Variants in ASTN2 observed in about 807,000 individuals in gnomAD.
ASTN2 encodes astrotactin-2.
Under a neutral mutation model 139.8 loss-of-function variants are expected in ASTN2, and 54 were observed. The observed-to-expected ratio is 0.39, with a 90% CI of 0.31 to 0.48. ASTN2 has a LOEUF of 0.48. ASTN2 is among the 20% of genes least tolerant of loss of function. ASTN2 has a pLI of 0.95. For synonymous variants in ASTN2, 756 were observed against 719.5 expected, an observed-to-expected ratio of 1.05 and a Z score of -0.81; for missense variants, 1,565 against 1,725.1, an observed-to-expected ratio of 0.91 and a Z score of 1.64.
chr9:117,254,600 C>T (rs1833632859), intron 2 of ASTN2, among the ~76,000 whole-genome samples: 1 of 152,150 alleles, frequency 6.6e-6, no homozygotes, highest in African/African-American at 2.4e-5. Context: ...ACTACCATAA[C>T]ATAAAGCAGT....
chr9:116,536,881 G>T (rs955848063), intron 19 of ASTN2, among the ~76,000 whole-genome samples: 1 of 152,192 alleles, frequency 6.6e-6, no homozygotes, highest in Non-Finnish European at 1.5e-5. Context: ...TCTCTTCAAA[G>T]CTGTCAGACA....
intron 16 of ASTN2, among the ~76,000 whole-genome samples, chr9:116,714,308 A>T (rs1406119715): frequency 6.6e-6 from 1 of 152,184 alleles, no homozygotes; most frequent in African/African-American, 2.4e-5. Context: ...CAGCCATGAC[A>T]TAGGAAGTCT....
Position 116,698,992 on chromosome 9 carries a change from T to C in ASTN2, c.2806+26779A>G. 1 of 1,614,170 alleles carries C rather than the reference T, an allele frequency of 6.2e-7. No homozygotes were observed. Among genetic ancestry groups the C allele is most frequent in the Non-Finnish European group, 8.5e-7 (1 of 1,180,022 alleles). Reference sequence around the variant, plus strand: ...CGCAGCCCCAGTGGCATTGATAGCTTTGTGCTAAGCTTCCTTGGGGCAGAT... The same window carrying C: ...CGCAGCCCCAGTGGCATTGATAGCTCTGTGCTAAGCTTCCTTGGGGCAGAT... On this transcript the variant is annotated intron_variant, in intron 16 of 22. Transcript: ENST00000313400. The surrounding 1 kb of genome is among the most constrained non-coding windows in gnomAD (Gnocchi z 4.4).
At chr9:116,796,453 A>G (rs934803726) in intron 13 of ASTN2, among the ~76,000 whole-genome samples, 5 of 152,190 alleles carry the variant, frequency 3.3e-5, no homozygotes, top group South Asian at 2.1e-4. Context: ...GCTCCTGGCC[A>G]TAGGAGTTGA....
At chr9:116,507,661 T>G (rs952106165) in intron 19 of ASTN2, among the ~76,000 whole-genome samples, 3 of 152,100 alleles carry the variant, frequency 2.0e-5, no homozygotes, top group African/African-American at 7.2e-5. Flanking sequence ...CCAGTCCAGA[T>G]TCACTCCTCT....
chr9:117,154,956 T>A (rs1282730500), intron 3 of ASTN2, among the ~76,000 whole-genome samples: 2 of 152,022 alleles, frequency 1.3e-5, no homozygotes, highest in Non-Finnish European at 2.9e-5. Context: ...GCCTAGGAAG[T>A]GAGTGACATT....
At chr9:117,005,080 ATTTT>A (rs35759848) in intron 7 of ASTN2, among the ~76,000 whole-genome samples, 19 of 74,674 alleles carry the variant, frequency 2.5e-4, no homozygotes, top group Admixed American at 1.5e-3. Flanking sequence ...CCTGTAGTCG[ATTTT>A]TTTTTTTTTT....
At chr9:117,198,462 G>A (rs1428737056) in intron 3 of ASTN2, among the ~76,000 whole-genome samples, 1 of 152,002 alleles carries the variant, frequency 6.6e-6, no homozygotes, top group African/African-American at 2.4e-5. Context: ...TGCAGAATGT[G>A]CAGGTTTGTT....
At chr9:117,165,399 A>G (rs1190366721) in intron 3 of ASTN2, among the ~76,000 whole-genome samples, 1 of 152,088 alleles carries the variant, frequency 6.6e-6, no homozygotes, top group Non-Finnish European at 1.5e-5. Context: ...GGCAAGGCTT[A>G]GATTCTGAGT....
At chr9:117,220,211 G>A (rs1229946102) in intron 2 of ASTN2, among the ~76,000 whole-genome samples, 2 of 152,142 alleles carry the variant, frequency 1.3e-5, no homozygotes, top group Middle Eastern at 3.4e-3. Context: ...CTCCTCTCCT[G>A]GCTTCCTGGG....
At chr9:116,512,282 G>A (rs576163564) in intron 19 of ASTN2, among the ~76,000 whole-genome samples, 9 of 152,258 alleles carry the variant, frequency 5.9e-5, no homozygotes, top group South Asian at 2.1e-4. Context: ...TCAGGAGCAC[G>A]TTGCTCAGTT....
chr9:117,033,415 T>C (rs1838302058), intron 6 of ASTN2, among the ~76,000 whole-genome samples: 1 of 151,874 alleles, frequency 6.6e-6, no homozygotes, highest in Non-Finnish European at 1.5e-5. Flanking sequence ...CTAAAAGCTT[T>C]ATGAGCATTA....
chr9:116,728,082 A>T (rs2132119641), intron 15 of ASTN2, among the ~76,000 whole-genome samples: 1 of 152,332 alleles, frequency 6.6e-6, no homozygotes, highest in Non-Finnish European at 1.5e-5. Flanking sequence ...ATCCTAGGTC[A>T]GGCCTCATCT....
chr9:117,234,197 G>C (rs1338124832), intron 2 of ASTN2, among the ~76,000 whole-genome samples: 1 of 152,176 alleles, frequency 6.6e-6, no homozygotes, highest in Non-Finnish European at 1.5e-5. Context: ...GACCAGCAAA[G>C]GCAGCAGTGG....
chr9:117,056,877 A>G (rs1587911890), intron 5 of ASTN2, among the ~76,000 whole-genome samples: 1 of 152,230 alleles, frequency 6.6e-6, no homozygotes, highest in South Asian at 2.1e-4. Flanking sequence ...AGAGTAAGCA[A>G]CAGAGCTATC....
chr9:117,306,682 A>C (rs369565868), intron 1 of ASTN2, among the ~76,000 whole-genome samples: 1 of 152,200 alleles, frequency 6.6e-6, no homozygotes, highest in Non-Finnish European at 1.5e-5. Context: ...TCCAGTCTAC[A>C]TGATAAACCT....
chr9:116,934,782 C>T (rs1336855273), intron 10 of ASTN2, among the ~76,000 whole-genome samples: 1 of 152,156 alleles, frequency 6.6e-6, no homozygotes, highest in African/African-American at 2.4e-5. Context: ...AAAAAAATGG[C>T]TTTTGAATTC....
At chr9:117,326,670 A>C (rs1277845083) in intron 1 of ASTN2, among the ~76,000 whole-genome samples, 1 of 152,152 alleles carries the variant, frequency 6.6e-6, no homozygotes, top group African/African-American at 2.4e-5. Flanking sequence ...GGATACGAAC[A>C]CAGTCCCGAC....
intron 11 of ASTN2, among the ~76,000 whole-genome samples, chr9:116,847,007 C>CA (rs11302692): frequency 0.033 from 2,461 of 75,290 alleles, 64 homozygotes; most frequent in South Asian, 0.049. Context: ...GCTTCATTCT[C>CA]AAAAAAAAAA....
Sources: gnomAD v4.1 joint callset for allele counts (sites outside exome capture counted in the v4.1 genomes callset) on GRCh38, gnomAD v4.1.1 for gene constraint, Gnocchi (gnomAD v3.1) non-coding constraint, MANE v1.5 for transcripts, NCBI Gene and HGNC (gene_info 2026-07-23, HGNC 2026-07-21) for gene names.